ROBO2: variants seen among roughly 807,000 people sequenced by gnomAD.
ROBO2 encodes the protein roundabout homolog 2.
In ROBO2, 53 loss-of-function variants were observed where a neutral mutation model predicts 160.8. The observed-to-expected ratio is 0.33, with a 90% confidence interval of 0.26 to 0.41. ROBO2 has a LOEUF of 0.41. Ranked by LOEUF, ROBO2 falls within the 10% of genes least tolerant of loss-of-function variation. ROBO2 has a pLI of 1.00. For missense variants in ROBO2, 1,577 were observed against 1,722.4 expected, an observed-to-expected ratio of 0.92 and a Z score of 1.49; for synonymous variants, 664 against 611.7, an observed-to-expected ratio of 1.09 and a Z score of -1.26.
At chr3:77,543,077 T>C (rs920097401) in intron 6 of ROBO2, among the ~76,000 whole-genome samples, 1 of 152,150 alleles carries the variant, frequency 6.6e-6, no homozygotes, top group Non-Finnish European at 1.5e-5. Context: ...CAAGTCACCT[T>C]ACCACTCTTC....
chr3:77,235,585 A>C (rs2087855878), intron 2 of ROBO2, among the ~76,000 whole-genome samples: 1 of 152,192 alleles, frequency 6.6e-6, no homozygotes, highest in Non-Finnish European at 1.5e-5. Context: ...ATATCAGCAA[A>C]ATAATAAATT....
chr3:76,338,010 T>A (rs2073997024), intron 2 of ROBO2, among the ~76,000 whole-genome samples: 1 of 152,146 alleles, frequency 6.6e-6, no homozygotes, highest in Non-Finnish European at 1.5e-5. Flanking sequence ...TACTCTGGCT[T>A]TCCCTCCCAC....
intron 2 of ROBO2, among the ~76,000 whole-genome samples, chr3:76,409,489 C>T (rs1257255846): frequency 6.6e-6 from 1 of 152,028 alleles, no homozygotes; most frequent in Non-Finnish European, 1.5e-5. Context: ...CCATTATGTT[C>T]CATGGTACTT....
At chr3:77,402,245 A>G (rs934925707) in intron 2 of ROBO2, among the ~76,000 whole-genome samples, 6 of 152,008 alleles carry the variant, frequency 3.9e-5, no homozygotes, top group African/African-American at 1.4e-4. Context: ...ATGATAACAC[A>G]TGGACACAGG....
At chr3:77,320,323 A>G (rs2064534425) in intron 2 of ROBO2, among the ~76,000 whole-genome samples, 2 of 152,032 alleles carry the variant, frequency 1.3e-5, no homozygotes, top group Admixed American at 6.6e-5. Flanking sequence ...AGCTCTGACC[A>G]TTTTCAAGTT....
intron 2 of ROBO2, among the ~76,000 whole-genome samples, chr3:77,424,128 A>G (rs758173535): frequency 6.6e-6 from 1 of 152,198 alleles, no homozygotes; most frequent in Non-Finnish European, 1.5e-5. Context: ...ATCTAAAATT[A>G]TATATGTGAC....
chr3:77,460,324 C>T (rs868252663), intron 2 of ROBO2, among the ~76,000 whole-genome samples: 2 of 151,980 alleles, frequency 1.3e-5, no homozygotes, highest in African/African-American at 2.4e-5. Flanking sequence ...ACTTGTATGG[C>T]GAAAACCATG....
At chr3:76,203,105 A>G (rs1170564393) in intron 2 of ROBO2, among the ~76,000 whole-genome samples, 1 of 152,110 alleles carries the variant, frequency 6.6e-6, no homozygotes, top group Non-Finnish European at 1.5e-5. Flanking sequence ...CGCAGGCAAA[A>G]ATTTAACTGA....
At chr3:76,095,176 G>A (rs1324991870) in intron 2 of ROBO2, among the ~76,000 whole-genome samples, 2 of 151,988 alleles carry the variant, frequency 1.3e-5, no homozygotes, top group African/African-American at 2.4e-5. Context: ...ATGGTGAACA[G>A]AGAGAGAAAA....
chr3:75,910,263 T>C (rs1256012056), intron 1 of ROBO2, among the ~76,000 whole-genome samples: 3 of 152,196 alleles, frequency 2.0e-5, no homozygotes, highest in Non-Finnish European at 4.4e-5. Flanking sequence ...TAGTGAGTGC[T>C]GAGGAGTTGT....
intron 2 of ROBO2, among the ~76,000 whole-genome samples, chr3:77,472,994 T>A: frequency 6.6e-6 from 1 of 152,032 alleles, no homozygotes; most frequent in Non-Finnish European, 1.5e-5. Context: ...ACACAAGGAC[T>A]GAGTTTAAGA....
chr3:76,410,226 G>A (rs1365154357), intron 2 of ROBO2, among the ~76,000 whole-genome samples: 2 of 151,954 alleles, frequency 1.3e-5, no homozygotes, highest in Non-Finnish European at 2.9e-5. Context: ...GCACACCAGT[G>A]TTCTTTGTGA....
In ROBO2 at chr3:76,066,216, G is replaced by A. The variant is rs140305154; in HGVS notation, c.109+128614G>A. The stretch of plus-strand genomic sequence containing the variant: ...TATCATATCACACAATAAATAGCAT[G>A]ACATGCTAATAACTCACTCCATTTT... On this transcript the variant is annotated intron_variant, in intron 2 of 26. Transcript: ENST00000487694. Among the ~76,000 whole-genome samples the A allele has an allele frequency of 4.3e-3, 655 of 152,156 alleles. 7 individuals carry two copies. The highest frequency in any genetic ancestry group is 0.015 in the African/African-American group (624 of 41,526).
intron 19 of ROBO2, 72 bp downstream of exon 20, chr3:77,596,822 T>A: frequency 2.5e-6 from 4 of 1,571,274 alleles, no homozygotes; most frequent in Middle Eastern, 1.8e-4. Context: ...CTTCCTGGAT[T>A]TTTTTAAAGA....
chr3:77,544,121 T>C (rs1456963279), intron 6 of ROBO2, among the ~76,000 whole-genome samples: 1 of 151,986 alleles, frequency 6.6e-6, no homozygotes, highest in Non-Finnish European at 1.5e-5. Context: ...TTTTTTTTTT[T>C]TTTTGGCACA....
chr3:76,385,906 C>T (rs1032609459), intron 2 of ROBO2, among the ~76,000 whole-genome samples: 8 of 152,090 alleles, frequency 5.3e-5, no homozygotes, highest in African/African-American at 1.7e-4. Context: ...AAAGATATGT[C>T]AGTTTCTAAG....
chr3:76,430,266 A>G (rs1381618205), intron 2 of ROBO2, among the ~76,000 whole-genome samples: 2 of 152,152 alleles, frequency 1.3e-5, no homozygotes, highest in Non-Finnish European at 2.9e-5. Context: ...TGAAACTATA[A>G]TAGTCTCTTA....
chr3:76,630,213 T>G (rs2089943137), intron 2 of ROBO2, among the ~76,000 whole-genome samples: 1 of 152,150 alleles, frequency 6.6e-6, no homozygotes, highest in Non-Finnish European at 1.5e-5. Context: ...ATCACAAAGA[T>G]GTGCATGTTA....
chr3:76,338,823 A>T (rs2074048660), intron 2 of ROBO2, among the ~76,000 whole-genome samples: 1 of 151,706 alleles, frequency 6.6e-6, no homozygotes, highest in Non-Finnish European at 1.5e-5. Context: ...AAGTTGAACC[A>T]CTGTGTCTTT....
Sources: gnomAD v4.1 joint callset for allele counts (sites outside exome capture counted in the v4.1 genomes callset) on GRCh38, gnomAD v4.1.1 for gene constraint, MANE v1.5 for transcripts, NCBI Gene and HGNC (gene_info 2026-07-23, HGNC 2026-07-21) for gene names.